MEP1B: variants seen among roughly 807,000 people sequenced by gnomAD.
MEP1B encodes the protein N-benzoyl-L-tyrosyl-P-amino-benzoic acid hydrolase subunit beta.
MEP1B carries 80 observed loss-of-function variants against 84.6 expected under a neutral mutation model. The observed-to-expected ratio is 0.95, with a 90% CI of 0.79 to 1.14. The LOEUF (loss-of-function observed/expected upper bound fraction) is 1.14. MEP1B is among the 50% of genes most tolerant of loss of function. The probability of loss-of-function intolerance (pLI) is 0.00; values close to 1 mark genes in which losing one functional copy is unlikely to be tolerated. For missense variants in MEP1B, 766 were observed against 855.1 expected (o/e 0.90, Z 1.30); for synonymous variants, 273 against 288.1 (o/e 0.95, Z 0.53).
At chr18:32,203,811 G>A (rs375620000) in intron 6 of MEP1B, among the ~76,000 whole-genome samples, 7 of 152,248 alleles carry the variant, frequency 4.6e-5, no homozygotes, top group East Asian at 3.9e-4. Context: ...CAGGCATGTC[G>A]CATGGCAAAA....
rs537060313 is a variant in MEP1B, at chr18:32,206,646, C to T, written c.548-606C>T. The stretch of plus-strand genomic sequence containing the variant: ...ATTTTATTTGAGATGGAGTCTCATT[C>T]TGTCACCTAGGCTGGAGTGCAGTAG... On this transcript the variant is annotated intron_variant, in intron 7 of 14. Transcript: ENST00000269202. Among the ~76,000 whole-genome samples the T allele has an allele frequency of 2.4e-3, 369 of 152,020 alleles. 2 individuals are homozygous for T. The highest frequency in any genetic ancestry group is 8.0e-3 in the African/African-American group (331 of 41,476).
At chr18:32,199,829 C>A (rs1027208715) in intron 5 of MEP1B, among the ~76,000 whole-genome samples, 1 of 152,270 alleles carries the variant, frequency 6.6e-6, no homozygotes, top group African/African-American at 2.4e-5. Flanking sequence ...TGCATGCCAC[C>A]ATGTCCAGCT....
At position 32,213,260 on chromosome 18, in the gene MEP1B, G is replaced by T. The variant is rs375226060; in HGVS notation, c.1280G>T (p.Cys427Phe). Residue 427 changes from cysteine (C) to phenylalanine (F), a missense_variant, in exon 11 of 15, where the codon TGC becomes TTC. Physicochemically the swap from Cys to Phe is radical, Grantham distance 205 (BLOSUM62 -2). Coordinates refer to ENST00000269202, the MANE Select transcript of MEP1B (RefSeq NM_005925.3). Reference sequence around the variant, plus strand: ...GACATCAATCTTTCGGAAACACGGTGCCCTCATCATATCTGGCATATAAGG... The same window carrying T: ...GACATCAATCTTTCGGAAACACGGTTCCCTCATCATATCTGGCATATAAGG... ...IDDINLSETR[C>F]PHHIWHIRNF... 4.3e-6 allele frequency: 7 copies of T among 1,613,838 alleles called. No homozygotes were observed. Among genetic ancestry groups the T allele is most frequent in the Non-Finnish European group, 5.9e-6 (7 of 1,179,882 alleles).
intron 12 of MEP1B, among the ~76,000 whole-genome samples, chr18:32,216,208 G>A (rs986767033): frequency 1.3e-5 from 2 of 152,016 alleles, no homozygotes; most frequent in African/African-American, 2.4e-5. Flanking sequence ...GAAAGGTGGT[G>A]CAATTAAAAC....
In MEP1B at chr18:32,215,261, G is replaced by A; in HGVS notation, c.1759G>A (p.Asp587Asn). The A allele has an allele frequency of 6.5e-7, 1 of 1,546,960 alleles. No homozygotes were observed. Among genetic ancestry groups the A allele is most frequent in the Non-Finnish European group, 8.7e-7 (1 of 1,147,716 alleles). The stretch of plus-strand genomic sequence containing the variant: ...TGTTTATATCCTACTGACAGTGGAA[G>A]GTATGTCAATAAAAATAGTTTTATA... Reference protein sequence around the residue: ...DDVYILLTVEDISHLNSTQIQ... With the variant: ...DDVYILLTVENISHLNSTQIQ... Residue 587 changes from aspartate to asparagine, a missense_variant and splice_region_variant, in exon 12 of 15, where the codon GAC becomes AAC. Coordinates refer to ENST00000269202, the MANE Select transcript of MEP1B (RefSeq NM_005925.3).
chr18:32,201,120 C>A (rs1598890173), intron 5 of MEP1B, among the ~76,000 whole-genome samples: 5 of 152,122 alleles, frequency 3.3e-5, no homozygotes, highest in Admixed American at 3.3e-4. Context: ...AAGAAACTAT[C>A]CTCATTAAGT....
In MEP1B at chr18:32,217,096, G is replaced by T; in HGVS notation, c.1865G>T (p.Arg622Leu). 6.2e-7 allele frequency: 1 copy of T among 1,613,712 alleles called. No individual in the cohort carries two copies. Among genetic ancestry groups the T allele is most frequent in the South Asian group, 1.1e-5 (1 of 91,040 alleles). Reference protein sequence around the residue: ...TCKNDGVCTVRDGKAECRCQS... With the variant: ...TCKNDGVCTVLDGKAECRCQS... ...AAAAATGACGGTGTCTGCACTGTTC[G>T]AGATGGCAAAGCTGAGTGCAGGTAA... The change falls in exon 13 of 15, where the codon CGA becomes CTA. Residue 622 changes from arginine to leucine, a missense_variant. By Grantham distance (102) the Arg-to-Leu change is moderately radical. Coordinates refer to ENST00000269202, the MANE Select transcript of MEP1B (RefSeq NM_005925.3).
chr18:32,214,743 A>G (rs995905630), intron 11 of MEP1B, among the ~76,000 whole-genome samples: 1 of 152,216 alleles, frequency 6.6e-6, no homozygotes, highest in African/African-American at 2.4e-5. Context: ...AGTAGCCTTG[A>G]AGCCTATTCT....
At chr18:32,191,673 A>G in intron 1 of MEP1B, 149 bp from the exon 2 acceptor site, 1 of 487,666 alleles carries the variant, frequency 2.1e-6, no homozygotes, top group East Asian at 3.4e-5. Context: ...TTAAACTTCA[A>G]TTTAGCCATC....
rs1442091280 is a variant in MEP1B, at chr18:32,196,606, A to T, written c.250+1121A>T. ...TCCAGGAAGCACAGCGACAGGTCGT[A>T]CTCCATCACCCTGTGCAGCACCCGC... On this transcript the variant is annotated intron_variant, in intron 5 of 14. Coordinates refer to ENST00000269202, the MANE Select transcript of MEP1B (RefSeq NM_005925.3). This position sits in a 1 kb window ranked among gnomAD's most constrained non-coding sequence, Gnocchi z 4.4. 1 of 722,464 alleles carries T rather than the reference A, an allele frequency of 1.4e-6. No homozygotes were observed. Among genetic ancestry groups the T allele is most frequent in the Non-Finnish European group, 2.5e-6 (1 of 393,742 alleles). 44.8% of individuals were successfully genotyped at this position (722,464 alleles called of 1,614,324 possible). A position where few individuals can be genotyped will look rare whatever the true frequency, so the allele number is the denominator to read the frequency against.
intron 5 of MEP1B, among the ~76,000 whole-genome samples, chr18:32,197,544 C>T (rs1017877712): frequency 4.6e-5 from 7 of 151,760 alleles, no homozygotes; most frequent in South Asian, 2.1e-4. Context: ...CTCAGCTTCC[C>T]GAGTAGCTGA....
At chr18:32,216,010 A>C (rs2041086060) in intron 12 of MEP1B, among the ~76,000 whole-genome samples, 1 of 68,006 alleles carries the variant, frequency 1.5e-5, no homozygotes, top group Non-Finnish European at 3.2e-5. Flanking sequence ...ATATATATAT[A>C]TATATATATC....
At chr18:32,198,486 GAGGTAGTGCCTC>G (rs1477595427) in intron 5 of MEP1B, among the ~76,000 whole-genome samples, 1 of 152,242 alleles carries the variant, frequency 6.6e-6, no homozygotes, top group Non-Finnish European at 1.5e-5. Context: ...CACCTGCTCA[GAGGTAGTGCCTC>G]TTCCTAATTG....
chr18:32,212,907 C>T (rs1447975400), intron 10 of MEP1B, among the ~76,000 whole-genome samples: 2 of 152,148 alleles, frequency 1.3e-5, no homozygotes, highest in Admixed American at 6.5e-5. Context: ...GCTAGACAAA[C>T]GTTCAGCTAT....
chr18:32,206,428 CACT>C (rs2040965486), intron 7 of MEP1B, among the ~76,000 whole-genome samples: 1 of 146,886 alleles, frequency 6.8e-6, no homozygotes. Flanking sequence ...GGTTCAACAA[CACT>C]TTTTTTTTTT....
intron 10 of MEP1B, 40 bp from the exon 11 acceptor site, chr18:32,213,076 G>T: frequency 6.4e-7 from 1 of 1,568,376 alleles, no homozygotes; most frequent in South Asian, 1.1e-5. Context: ...TACATGATTT[G>T]AACTTCTTTG....
chr18:32,190,172 G>A, intron 1 of MEP1B, 39 bp downstream of exon 1: 1 of 1,498,482 alleles, frequency 6.7e-7, no homozygotes, highest in South Asian at 1.2e-5. Flanking sequence ...TAAAAATTTT[G>A]GGGCAGTTGA....
Position 32,208,109 on chromosome 18 carries a change from CT to C in MEP1B, c.767-5del. The C allele has an allele frequency of 6.2e-7, 1 of 1,609,614 alleles. No homozygotes were observed. On this transcript the variant is annotated splice_polypyrimidine_tract_variant and intron_variant, in intron 8 of 14. Coordinates refer to ENST00000269202, the MANE Select transcript of MEP1B (RefSeq NM_005925.3). Reference sequence around the variant, plus strand: ...TATGAGTGTCAATAATTGTTTTTTGCTTTTTGTAGCCTCTTCCTTGAGTTTT... The same window carrying C: ...TATGAGTGTCAATAATTGTTTTTTGCTTTTGTAGCCTCTTCCTTGAGTTTT...
Position 32,199,865 on chromosome 18 carries a change from G to A in MEP1B, c.251-3028G>A, listed in dbSNP as rs114819103. Reference sequence around the variant, plus strand: ...AATTTTTTGTATTTTTGGTAGAGATGGGGTTTCACCAGGCAATCCACCCAC... The same window carrying A: ...AATTTTTTGTATTTTTGGTAGAGATAGGGTTTCACCAGGCAATCCACCCAC... On this transcript the variant is annotated intron_variant, in intron 5 of 14. Coordinates refer to ENST00000269202, the MANE Select transcript of MEP1B (RefSeq NM_005925.3). Among the ~76,000 whole-genome samples, 853 of 152,254 alleles carry A rather than the reference G, an allele frequency of 5.6e-3. 9 individuals are homozygous for A. The highest frequency in any genetic ancestry group is 0.02 in the African/African-American group (818 of 41,556).
Sources: gnomAD v4.1 joint callset for allele counts (sites outside exome capture counted in the v4.1 genomes callset) on GRCh38, gnomAD v4.1.1 for gene constraint, Gnocchi (gnomAD v3.1) non-coding constraint, MANE v1.5 for transcripts, NCBI Gene and HGNC (gene_info 2026-07-23, HGNC 2026-07-21) for gene names.